Variants in FMN2 observed in about 807,000 individuals in gnomAD.
The protein encoded by FMN2 is formin 2.
FMN2 carries 51 observed loss-of-function variants against 142.3 expected under a neutral mutation model. The ratio of observed to expected loss-of-function variants is 0.36; its 90% CI spans 0.29 to 0.45. FMN2 has a LOEUF of 0.45. Among genes scored for constraint, FMN2 ranks in the 20% least tolerant of loss-of-function variants. The pLI is 1.00. For missense variants in FMN2, 1,936 were observed against 2,122.8 expected (o/e 0.91, Z 1.73); for synonymous variants, 882 against 869.8 (o/e 1.01, Z -0.25).
chr1:240,137,101 C>G (rs1242758103), intron 2 of FMN2, among the ~76,000 whole-genome samples: 2 of 147,698 alleles, frequency 1.4e-5, no homozygotes, highest in Non-Finnish European at 1.5e-5. Flanking sequence ...AAAATTGGGA[C>G]TCTATGGCAA....
intron 14 of FMN2, among the ~76,000 whole-genome samples, chr1:240,372,765 A>G (rs1404576154): frequency 6.6e-6 from 1 of 152,088 alleles, no homozygotes; most frequent in Non-Finnish European, 1.5e-5. Context: ...AAAGCAAGTC[A>G]CATGCATTTT....
At chr1:240,127,598 C>T (rs562845313) in intron 2 of FMN2, among the ~76,000 whole-genome samples, 1 of 152,214 alleles carries the variant, frequency 6.6e-6, no homozygotes, top group Admixed American at 6.6e-5. Context: ...CCACCTCACC[C>T]TTCCAAGTAG....
At chr1:240,180,928 C>G (rs1665125113) in intron 3 of FMN2, among the ~76,000 whole-genome samples, 1 of 151,904 alleles carries the variant, frequency 6.6e-6, no homozygotes, top group African/African-American at 2.4e-5. Context: ...AGAAGAAAGA[C>G]TTGCAGGTCT....
At chr1:240,157,219 G>A (rs1051946990) in intron 2 of FMN2, among the ~76,000 whole-genome samples, 7 of 152,104 alleles carry the variant, frequency 4.6e-5, no homozygotes, top group African/African-American at 1.4e-4. Context: ...TAACTTTAAC[G>A]TTTCATGCTG....
chr1:240,144,153 C>T (rs958773394), intron 2 of FMN2: 18 of 1,372,006 alleles, frequency 1.3e-5, no homozygotes, highest in Non-Finnish European at 1.9e-5. Context: ...TGCAGCTGCA[C>T]TCAACATTCC....
At chr1:240,361,068 T>G (rs1672445920) in intron 14 of FMN2, among the ~76,000 whole-genome samples, 1 of 149,558 alleles carries the variant, frequency 6.7e-6, no homozygotes, top group African/African-American at 2.5e-5. Context: ...CATGTATACA[T>G]ATGTAACAAA....
intron 1 of FMN2, among the ~76,000 whole-genome samples, chr1:240,117,351 T>C (rs1296308914): frequency 6.6e-6 from 1 of 152,212 alleles, no homozygotes; most frequent in African/African-American, 2.4e-5. Context: ...CCTTGAGGTA[T>C]ATAGCTGTGC....
intron 8 of FMN2, among the ~76,000 whole-genome samples, chr1:240,319,255 G>C (rs1231034324): frequency 1.3e-5 from 2 of 152,314 alleles, no homozygotes; most frequent in East Asian, 1.9e-4. Flanking sequence ...AGTATCAGGA[G>C]TGATGGCGTT....
rs183914084 is a variant in FMN2, at chr1:240,472,735, A to T, written c.5142+282A>T. ...GCCGAGGTGGGCGGGTCATGAGGTC[A>T]GGCGATCGAGGCCATCCTGCCCAAC... is the stretch of plus-strand genomic sequence containing the variant. On this transcript the variant is annotated intron_variant, in intron 17 of 17. Transcript: ENST00000319653. 2.6e-5 allele frequency among the ~76,000 whole-genome samples: 4 copies of T among 152,062 alleles called. No individual in the cohort carries two copies. In the East Asian group the frequency reaches 7.8e-4, roughly 30 times the overall value.
chr1:240,287,677 T>TA (rs892012752), intron 7 of FMN2, among the ~76,000 whole-genome samples: 10 of 151,958 alleles, frequency 6.6e-5, no homozygotes, highest in South Asian at 2.1e-4. Flanking sequence ...GGAGAGAGAT[T>TA]AAAAAAAACA....
At chr1:240,214,990 C>T (rs1442013139) in intron 6 of FMN2, among the ~76,000 whole-genome samples, 3 of 152,006 alleles carry the variant, frequency 2.0e-5, no homozygotes, top group Non-Finnish European at 4.4e-5. Context: ...CATCTGAGCC[C>T]AGGGAGGTTG....
chr1:240,426,633 C>G (rs1481465985), intron 15 of FMN2, among the ~76,000 whole-genome samples: 1 of 152,162 alleles, frequency 6.6e-6, no homozygotes. Flanking sequence ...CTCTATAACC[C>G]TACCCGCTTG....
At chr1:240,120,030 T>C (rs1662171992) in intron 1 of FMN2, among the ~76,000 whole-genome samples, 3 of 152,172 alleles carry the variant, frequency 2.0e-5, no homozygotes, top group African/African-American at 7.2e-5. Flanking sequence ...AAATTTGTTA[T>C]TTCCCCTCCA....
At chr1:240,429,044 G>A (rs1026641841) in intron 15 of FMN2, among the ~76,000 whole-genome samples, 12 of 151,970 alleles carry the variant, frequency 7.9e-5, no homozygotes, top group African/African-American at 2.9e-4. Context: ...TTTTCATTAA[G>A]ACATTAGCTG....
At chr1:240,119,536 C>T (rs1300965192) in intron 1 of FMN2, among the ~76,000 whole-genome samples, 5 of 152,216 alleles carry the variant, frequency 3.3e-5, no homozygotes, top group South Asian at 4.1e-4. Context: ...CAGCTGGGGG[C>T]GAGGTGGCTG....
intron 15 of FMN2, among the ~76,000 whole-genome samples, chr1:240,433,508 C>G (rs896089288): frequency 2.0e-5 from 3 of 152,172 alleles, no homozygotes; most frequent in African/African-American, 4.8e-5. Flanking sequence ...GAATTCCACT[C>G]TCAGCATTTT....
At chr1:240,435,654 C>T (rs1342692683) in intron 15 of FMN2, among the ~76,000 whole-genome samples, 1 of 152,164 alleles carries the variant, frequency 6.6e-6, no homozygotes, top group Admixed American at 6.6e-5. Context: ...CTCTGTTTTA[C>T]AGTAGAAAAG....
intron 1 of FMN2, among the ~76,000 whole-genome samples, chr1:240,103,495 CCTT>C (rs1327388933): frequency 6.6e-6 from 1 of 152,226 alleles, no homozygotes; most frequent in Non-Finnish European, 1.5e-5. Context: ...TTAACACCCT[CCTT>C]CTGGGTTTCC....
intron 4 of FMN2, 136 bp downstream of exon 4, chr1:240,188,398 C>T: frequency 1.3e-6 from 1 of 768,798 alleles, no homozygotes; most frequent in Non-Finnish European, 2.1e-6. Context: ...GCAGTGGAAT[C>T]CAGTCAGGCA....
Sources: allele counts gnomAD v4.1 joint callset (sites outside exome capture counted in the v4.1 genomes callset), GRCh38; gene constraint gnomAD v4.1.1; transcripts MANE v1.5; gene names NCBI Gene and HGNC (gene_info 2026-07-23, HGNC 2026-07-21).